RAB3GAP2: variants seen among roughly 807,000 people sequenced by gnomAD.
The protein encoded by RAB3GAP2 is rab3 GTPase-activating protein non-catalytic subunit.
RAB3GAP2 carries 87 observed loss-of-function variants against 185.3 expected under a neutral mutation model. The observed-to-expected ratio is 0.47, with a 90% CI of 0.39 to 0.56. The LOEUF is 0.56. RAB3GAP2 is among the 20% of genes least tolerant of loss of function. The pLI, the probability that RAB3GAP2 is intolerant of heterozygous loss-of-function variation, is 0.00. For missense variants in RAB3GAP2, 1,492 were observed against 1,638.2 expected, an observed-to-expected ratio of 0.91 and a Z score of 1.54; for synonymous variants, 554 against 576.1, an observed-to-expected ratio of 0.96 and a Z score of 0.55.
chr1:220,182,718 C>CTTTAA lies in RAB3GAP2; in HGVS notation c.2211_2212insTTAAA (p.Gly738LeufsTer39), dbSNP rs1386354650. The CTTTAA allele has an allele frequency of 6.3e-7, 1 of 1,586,608 alleles. No individual in the cohort carries two copies. The highest frequency in any genetic ancestry group is 8.6e-7 in the Non-Finnish European group (1 of 1,168,674). On this transcript the variant is annotated frameshift_variant and splice_region_variant, in exon 20 of 35. Coordinates refer to ENST00000358951, the MANE Select transcript of RAB3GAP2 (RefSeq NM_012414.4). LOFTEE classifies it high-confidence loss of function. ...AAGACCAGTGTATTATTTTACCTAC[C>CTTTAA]TAAAGCCACATATTCCTCTTCACTT...
chr1:220,266,905 T>G, intron 1 of RAB3GAP2: 1 of 1,590,378 alleles, frequency 6.3e-7, no homozygotes, highest in Non-Finnish European at 8.6e-7. Context: ...TATTCTTTTG[T>G]AGGTCTCTTG....
chr1:220,189,197 A>G (rs768782130), intron 17 of RAB3GAP2, among the ~76,000 whole-genome samples: 3 of 151,504 alleles, frequency 2.0e-5, no homozygotes, highest in Non-Finnish European at 4.4e-5. Context: ...TATATATATA[A>G]TATATATAAT....
At chr1:220,266,755 T>G in intron 1 of RAB3GAP2, 4 of 1,589,642 alleles carry the variant, frequency 2.5e-6, no homozygotes, top group Non-Finnish European at 3.4e-6. Flanking sequence ...ATGGTTTTGA[T>G]GAATTTGCTG....
At chr1:220,264,052 T>C (rs989898050) in intron 1 of RAB3GAP2, among the ~76,000 whole-genome samples, 1 of 151,984 alleles carries the variant, frequency 6.6e-6, no homozygotes, top group East Asian at 2.0e-4. Flanking sequence ...AAAAAAATGC[T>C]GACCTTCTCA....
At chr1:220,191,316 C>A in intron 13 of RAB3GAP2, 32 bp from the exon 14 acceptor site, 1 of 1,314,322 alleles carries the variant, frequency 7.6e-7, no homozygotes, top group East Asian at 3.4e-5. Flanking sequence ...AAGTTAATTA[C>A]TTAATCTAGG....
chr1:220,187,428 A>G (rs979610130), intron 17 of RAB3GAP2, among the ~76,000 whole-genome samples: 1 of 152,064 alleles, frequency 6.6e-6, no homozygotes, highest in Non-Finnish European at 1.5e-5. Context: ...TTTTCTAATG[A>G]GGCCACTCAT....
At chr1:220,154,914 G>T (rs1487433909) in intron 31 of RAB3GAP2, among the ~76,000 whole-genome samples, 1 of 151,906 alleles carries the variant, frequency 6.6e-6, no homozygotes, top group African/African-American at 2.4e-5. Flanking sequence ...AGTAGAGACG[G>T]GGTTTTCACC....
intron 27 of RAB3GAP2, among the ~76,000 whole-genome samples, chr1:220,164,352 T>G (rs1658022905): frequency 6.6e-6 from 1 of 151,996 alleles, no homozygotes; most frequent in African/African-American, 2.4e-5. Context: ...GGGATAGTAG[T>G]CAGCTGCTTG....
chr1:220,205,315 T>A (rs755948892), intron 8 of RAB3GAP2, among the ~76,000 whole-genome samples: 4 of 152,152 alleles, frequency 2.6e-5, no homozygotes, highest in Non-Finnish European at 5.9e-5. Flanking sequence ...ATATATATAT[T>A]AAGTTTAGGC....
intron 1 of RAB3GAP2, among the ~76,000 whole-genome samples, chr1:220,235,541 A>G (rs1182084174): frequency 1.3e-5 from 2 of 152,226 alleles, no homozygotes; most frequent in East Asian, 3.8e-4. Flanking sequence ...GGAAGGCTGT[A>G]ATCATTCATG....
At chr1:220,190,986 A>G (rs927107966) in intron 14 of RAB3GAP2, 82 bp downstream of exon 14, 4 of 1,282,548 alleles carry the variant, frequency 3.1e-6, no homozygotes, top group Non-Finnish European at 4.5e-6. Flanking sequence ...TCTAATAAGC[A>G]GCTTTAGTAA....
intron 2 of RAB3GAP2, among the ~76,000 whole-genome samples, chr1:220,232,546 A>G (rs1447047553): frequency 6.6e-6 from 1 of 152,204 alleles, no homozygotes; most frequent in Non-Finnish European, 1.5e-5. Flanking sequence ...GAGCCAATCA[A>G]TTTCTGTTCA....
chr1:220,194,504 T>G (rs538056700), intron 12 of RAB3GAP2, among the ~76,000 whole-genome samples: 41 of 152,286 alleles, frequency 2.7e-4, no homozygotes, highest in African/African-American at 9.6e-4. Flanking sequence ...GCAATTCTCC[T>G]GCCTCAGCCA....
At chr1:220,221,709 G>A (rs1029137161) in intron 2 of RAB3GAP2, among the ~76,000 whole-genome samples, 14 of 152,106 alleles carry the variant, frequency 9.2e-5, no homozygotes, top group African/African-American at 3.1e-4. Flanking sequence ...TCTAAACAAC[G>A]CAATATGGGA....
intron 17 of RAB3GAP2, among the ~76,000 whole-genome samples, chr1:220,188,435 G>A (rs1023593227): frequency 6.6e-6 from 1 of 152,162 alleles, no homozygotes; most frequent in Admixed American, 6.5e-5. Context: ...GTGGAGTTAG[G>A]ACTTGAATAG....
rs1001956978 is a variant in RAB3GAP2, at chr1:220,242,997, C to T, written c.116-10134G>A. ...TAGAACTCTTGCTTTTATTCATTTT[C>T]GTTTTTCAGGAAACAAAACCCTTCC... On this transcript the variant is annotated intron_variant, in intron 1 of 34. Transcript: ENST00000358951. Among the ~76,000 whole-genome samples, 3 of 152,076 alleles carry T rather than the reference C, an allele frequency of 2.0e-5. 1 individual carries two copies. The highest frequency in any genetic ancestry group is 4.1e-4 in the South Asian group (2 of 4,828).
intron 2 of RAB3GAP2, among the ~76,000 whole-genome samples, chr1:220,225,933 G>A (rs1023817063): frequency 6.6e-6 from 1 of 152,142 alleles, no homozygotes. Context: ...CAATCAGGTC[G>A]TGCTATATTC....
intron 31 of RAB3GAP2, among the ~76,000 whole-genome samples, chr1:220,157,065 A>C (rs1657870801): frequency 6.6e-6 from 1 of 152,178 alleles, no homozygotes; most frequent in Admixed American, 6.5e-5. Context: ...AGAAGAGCAG[A>C]CAGCTGAGAG....
chr1:220,193,288 C>G lies in RAB3GAP2; in HGVS notation c.1222G>C (p.Val408Leu). The G allele has an allele frequency of 1.9e-6, 3 of 1,614,010 alleles. No individual in the cohort carries two copies. Among genetic ancestry groups the G allele is most frequent in the Non-Finnish European group, 2.5e-6 (3 of 1,179,952 alleles). The part of the protein sequence containing the change: ...LAAVTDDFGR[V>L]ILLDVARGIA... ...CCTCTAGCTACATCCAATAAAATAA[C>G]TCTGCCGAAATCATCTGTTACTGCT... Residue 408 changes from valine (V) to leucine (L), a missense_variant, in exon 13 of 35, where the codon GTT (valine) becomes CTT (leucine). Transcript: ENST00000358951.
Sources: allele counts gnomAD v4.1 joint callset (sites outside exome capture counted in the v4.1 genomes callset), GRCh38; gene constraint gnomAD v4.1.1; transcripts MANE v1.5; gene names NCBI Gene and HGNC (gene_info 2026-07-23, HGNC 2026-07-21).